ARAP2: variants seen among roughly 807,000 people sequenced by gnomAD.
ARAP2 encodes the protein arf-GAP with Rho-GAP domain, ANK repeat and PH domain-containing protein 2.
A neutral mutation model predicts 194.5 loss-of-function variants in ARAP2; 148 were observed. The ratio of observed to expected loss-of-function variants is 0.76; its 90% CI spans 0.67 to 0.87. The LOEUF (loss-of-function observed/expected upper bound fraction) is 0.87, where lower values mean the gene tolerates loss of function less well. ARAP2 is among the 40% of genes least tolerant of loss of function. ARAP2 has a pLI of 0.00. For missense variants in ARAP2, 2,128 were observed against 1,989.7 expected (o/e 1.07, Z -1.32); for synonymous variants, 695 against 683.5 (o/e 1.02, Z -0.26).
chr4:36,005,651 C>G (rs1383230492), intron 10 of ARAP2: 1 of 152,122 alleles, frequency 6.6e-6, no homozygotes, highest in Non-Finnish European at 1.5e-5. Flanking sequence ...TTGCCATAAA[C>G]TGACCACAAT....
intron 28 of ARAP2, among the ~76,000 whole-genome samples, chr4:36,084,575 A>G (rs1730382813): frequency 6.6e-6 from 1 of 152,150 alleles, no homozygotes; most frequent in African/African-American, 2.4e-5. Context: ...ATTAAAATAG[A>G]CTATTAAAAA....
intron 6 of ARAP2, among the ~76,000 whole-genome samples, chr4:36,205,608 A>G (rs1261613820): frequency 1.3e-5 from 2 of 152,196 alleles, no homozygotes; most frequent in Admixed American, 6.5e-5. Flanking sequence ...CCTGAAAAAA[A>G]AAAAAAAGAA....
chr4:36,116,775 T>TA (rs1387813161), intron 25 of ARAP2, among the ~76,000 whole-genome samples: 1 of 151,764 alleles, frequency 6.6e-6, no homozygotes, highest in African/African-American at 2.4e-5. Flanking sequence ...ATAACTTGTC[T>TA]AACGTTAGGA....
At chr4:36,200,545 G>A (rs889922321) in intron 6 of ARAP2, among the ~76,000 whole-genome samples, 3 of 152,094 alleles carry the variant, frequency 2.0e-5, no homozygotes, top group African/African-American at 7.2e-5. Flanking sequence ...GTGAGCCACC[G>A]TGCCCGGCCT....
chr4:36,196,082 GC>G (rs1743038952), intron 6 of ARAP2, among the ~76,000 whole-genome samples: 2 of 152,214 alleles, frequency 1.3e-5, no homozygotes, highest in South Asian at 4.1e-4. Context: ...TTGAGGGAAT[GC>G]AAGAAAACTT....
intron 20 of ARAP2, among the ~76,000 whole-genome samples, chr4:36,132,570 C>T (rs1011331221): frequency 1.3e-5 from 2 of 151,686 alleles, no homozygotes; most frequent in Non-Finnish European, 3.0e-5. Flanking sequence ...GAACTCATAA[C>T]CATTTGAAAA....
At chr4:36,094,549 T>G (rs1056803062) in intron 27 of ARAP2, among the ~76,000 whole-genome samples, 3 of 152,130 alleles carry the variant, frequency 2.0e-5, no homozygotes, top group Non-Finnish European at 2.9e-5. Flanking sequence ...TATCAAGCAT[T>G]GTGTTTGGCA....
intron 24 of ARAP2, 106 bp downstream of exon 24, chr4:36,119,544 C>T (rs1181332379): frequency 2.8e-6 from 2 of 711,002 alleles, no homozygotes; most frequent in African/African-American, 1.8e-5. Flanking sequence ...ATTACTTTTA[C>T]TTTGCTTAAA....
intron 6 of ARAP2, among the ~76,000 whole-genome samples, chr4:36,206,257 G>A (rs1397888164): frequency 1.3e-5 from 2 of 152,186 alleles, no homozygotes; most frequent in Non-Finnish European, 2.9e-5. Context: ...TGGCTTCTGG[G>A]AGCTCTGACT....
In ARAP2 at chr4:36,124,860, A is replaced by G; in HGVS notation, c.3746+2T>C. The G allele has an allele frequency of 6.3e-7, 1 of 1,588,598 alleles. No individual in the cohort carries two copies. Among genetic ancestry groups the G allele is most frequent in the Non-Finnish European group, 8.6e-7 (1 of 1,161,074 alleles). On this transcript the variant is annotated splice_donor_variant, in intron 22 of 32. Transcript: ENST00000303965. LOFTEE classifies it high-confidence loss of function. ...TCGAGAAAAGTTCATTCATCTACCC[A>G]CCTATACAGGTGTTCAATGATAGCT... is the stretch of plus-strand genomic sequence containing the variant.
chr4:36,157,197 G>T (rs900680781), intron 15 of ARAP2, among the ~76,000 whole-genome samples: 1 of 152,156 alleles, frequency 6.6e-6, no homozygotes, highest in African/African-American at 2.4e-5. Context: ...AAAGTTAAGT[G>T]GTTTGAAGAG....
chr4:36,133,415 A>G (rs1465700777), intron 19 of ARAP2, 26 bp from the exon 20 acceptor site: 1 of 1,589,742 alleles, frequency 6.3e-7, no homozygotes, highest in Non-Finnish European at 8.6e-7. Flanking sequence ...AGCATTTCAA[A>G]TTATAATTTT....
chr4:36,136,816 T>TGTGCGC (rs1553916081), intron 19 of ARAP2, among the ~76,000 whole-genome samples: 1 of 145,170 alleles, frequency 6.9e-6, no homozygotes, highest in African/African-American at 2.6e-5. Flanking sequence ...TGTGTGTGTG[T>TGTGCGC]GTGCGTGTCT....
chr4:36,028,735 A>G (rs1718397521), intron 5 of ARAP2, among the ~76,000 whole-genome samples: 1 of 151,104 alleles, frequency 6.6e-6, no homozygotes, highest in African/African-American at 2.4e-5. Context: ...TTTTTCTCTT[A>G]CTAATTTTGA....
chr4:36,014,253 GAA>G (rs1470066492), intron 8 of ARAP2, among the ~76,000 whole-genome samples: 8 of 130,892 alleles, frequency 6.1e-5, no homozygotes, highest in African/African-American at 2.4e-4. Flanking sequence ...AAGAAAGAAA[GAA>G]AGAAAGAAAG....
intron 2 of ARAP2, among the ~76,000 whole-genome samples, chr4:36,217,182 A>T (rs1041771058): frequency 6.6e-6 from 1 of 152,202 alleles, no homozygotes; most frequent in Non-Finnish European, 1.5e-5. Flanking sequence ...ATAACTTTAT[A>T]TATATATTTT....
At chr4:36,231,478 A>G (rs1751457122) in intron 1 of ARAP2, among the ~76,000 whole-genome samples, 1 of 152,212 alleles carries the variant, frequency 6.6e-6, no homozygotes. Flanking sequence ...TTTTACTAGC[A>G]TTATCACAGG....
intron 1 of ARAP2, among the ~76,000 whole-genome samples, chr4:36,238,601 A>G (rs1199133398): frequency 1.3e-5 from 2 of 152,202 alleles, no homozygotes; most frequent in Non-Finnish European, 2.9e-5. Context: ...TAAATATACC[A>G]TATCTTGCAA....
chr4:36,050,883 T>C (rs962587267), intron 3 of ARAP2, among the ~76,000 whole-genome samples: 1 of 152,208 alleles, frequency 6.6e-6, no homozygotes, highest in Non-Finnish European at 1.5e-5. Flanking sequence ...GTCTTTTTGG[T>C]TTTTATGTCC....
Sources: gnomAD v4.1 joint callset for allele counts (sites outside exome capture counted in the v4.1 genomes callset) on GRCh38, gnomAD v4.1.1 for gene constraint, MANE v1.5 for transcripts, NCBI Gene and HGNC (gene_info 2026-07-23, HGNC 2026-07-21) for gene names.